TBC1D12: variants seen among roughly 807,000 people sequenced by gnomAD.
TBC1D12 encodes TBC1 domain family, member 12.
TBC1D12 carries 56 observed loss-of-function variants against 86.7 expected under a neutral mutation model. That is an observed-to-expected ratio of 0.65 (90% confidence interval 0.52 to 0.81). The LOEUF is 0.81. Ranked by LOEUF, TBC1D12 falls within the 30% of genes least tolerant of loss-of-function variation. The probability of loss-of-function intolerance (pLI) is 0.00; values close to 1 mark genes in which losing one functional copy is unlikely to be tolerated. For synonymous variants in TBC1D12, 421 were observed against 411.7 expected (o/e 1.02, Z -0.27); for missense variants, 1,023 against 1,038.8 (o/e 0.98, Z 0.21).
At chr10:94,496,256 T>C (rs957971281) in intron 4 of TBC1D12, among the ~76,000 whole-genome samples, 1 of 152,108 alleles carries the variant, frequency 6.6e-6, no homozygotes, top group African/African-American at 2.4e-5. Context: ...AAGTTTTGAT[T>C]TATGACTCAC....
At chr10:94,514,545 C>T (rs888687002) in intron 9 of TBC1D12, among the ~76,000 whole-genome samples, 14 of 152,178 alleles carry the variant, frequency 9.2e-5, no homozygotes, top group African/African-American at 2.7e-4. Context: ...TGCCTTATTT[C>T]ACTTAGCATA....
intron 5 of TBC1D12, among the ~76,000 whole-genome samples, 197 bp downstream of exon 5, chr10:94,497,369 C>T (rs2056335328): frequency 6.6e-6 from 1 of 151,876 alleles, no homozygotes; most frequent in Non-Finnish European, 1.5e-5. Context: ...TTTATTATTT[C>T]CAGCATATAT....
chr10:94,441,155 TG>T (rs2055375144), intron 1 of TBC1D12, among the ~76,000 whole-genome samples: 2 of 151,338 alleles, frequency 1.3e-5, no homozygotes, highest in South Asian at 4.2e-4. Context: ...TCCTGGGTTT[TG>T]TTTTTTTTTT....
chr10:94,491,077 G>A (rs2056239252), intron 3 of TBC1D12, among the ~76,000 whole-genome samples: 1 of 152,104 alleles, frequency 6.6e-6, no homozygotes, highest in African/African-American at 2.4e-5. Context: ...TCAGGTACTT[G>A]TAGGGTTACC....
At chr10:94,411,465 G>C (rs1486587984) in intron 1 of TBC1D12, among the ~76,000 whole-genome samples, 1 of 152,196 alleles carries the variant, frequency 6.6e-6, no homozygotes, top group Non-Finnish European at 1.5e-5. Flanking sequence ...GCTCATGCCT[G>C]CAATCCCAGC....
chr10:94,475,895 CT>C (rs199746682), intron 3 of TBC1D12, among the ~76,000 whole-genome samples: 3 of 151,534 alleles, frequency 2.0e-5, no homozygotes, highest in South Asian at 4.2e-4. Context: ...TGGATCAATT[CT>C]TTTTTTTTAC....
At chr10:94,476,586 GCAGCTGT>G (rs1352320163) in intron 3 of TBC1D12, among the ~76,000 whole-genome samples, 1 of 152,152 alleles carries the variant, frequency 6.6e-6, no homozygotes, top group Non-Finnish European at 1.5e-5. Flanking sequence ...TTTAGACTTT[GCAGCTGT>G]CAGCTGAGTA....
At chr10:94,464,851 G>A (rs1266723404) in intron 2 of TBC1D12, among the ~76,000 whole-genome samples, 1 of 152,146 alleles carries the variant, frequency 6.6e-6, no homozygotes, top group Admixed American at 6.5e-5. Context: ...CAAGTAGTGG[G>A]GAGAGTGGCA....
At position 94,480,991 on chromosome 10, in the gene TBC1D12, A is replaced by G. The variant is rs577046485; in HGVS notation, c.1211+6208A>G. Among the ~76,000 whole-genome samples, 91 of 151,226 alleles carry G rather than the reference A, an allele frequency of 6.0e-4. 1 individual carries two copies. Among genetic ancestry groups the G allele is most frequent in the Non-Finnish European group, 1.0e-3 (69 of 67,882 alleles). On this transcript the variant is annotated intron_variant, in intron 3 of 12. Coordinates refer to ENST00000225235, the MANE Select transcript of TBC1D12 (RefSeq NM_015188.2). ...TCATCTTTTTGTACATCTCCATCAG[A>G]GCTCTTTGGTAACTAGGTGCATCGT...
chr10:94,516,822 C>G (rs1056865187), intron 9 of TBC1D12, among the ~76,000 whole-genome samples: 2 of 152,112 alleles, frequency 1.3e-5, no homozygotes, highest in African/African-American at 4.8e-5. Context: ...GAATTGTTCA[C>G]TTTCTCAATT....
rs1487793992 is a variant in TBC1D12, at chr10:94,402,759, C to A, written c.146C>A (p.Pro49Gln). Residue 49 changes from proline to glutamine, a missense_variant, in exon 1 of 13, where the codon CCG (proline) becomes CAG (glutamine). By Grantham distance (76) the Pro-to-Gln change is moderately conservative. Transcript: ENST00000225235. ...FGGGVGAVEP[P>Q]EEADEEEEAD... is the part of the protein sequence containing the mutation. ...GGAGGCGTCGGCGCTGTGGAGCCGCCGGAGGAGGCTGACGAGGAGGAGGAG... is the reference window on the plus strand; with the variant it reads ...GGAGGCGTCGGCGCTGTGGAGCCGCAGGAGGAGGCTGACGAGGAGGAGGAG... The A allele has an allele frequency of 6.5e-7, 1 of 1,550,374 alleles. No homozygotes were observed. Among genetic ancestry groups the A allele is most frequent in the African/African-American group, 1.4e-5 (1 of 73,160 alleles).
chr10:94,404,931 C>T (rs998682993), intron 1 of TBC1D12, among the ~76,000 whole-genome samples: 3 of 151,766 alleles, frequency 2.0e-5, no homozygotes, highest in Non-Finnish European at 4.4e-5. Flanking sequence ...GACTTAATCC[C>T]AGCTACTTGG....
intron 12 of TBC1D12, among the ~76,000 whole-genome samples, chr10:94,531,784 TTTATG>T (rs1270393137): frequency 6.9e-6 from 1 of 144,982 alleles, no homozygotes; most frequent in African/African-American, 2.6e-5. Context: ...GTTATTTTAT[TTTATG>T]TTATTTTATT....
intron 9 of TBC1D12, among the ~76,000 whole-genome samples, chr10:94,518,592 A>G (rs1842062995): frequency 6.6e-6 from 1 of 152,194 alleles, no homozygotes; most frequent in African/African-American, 2.4e-5. Context: ...CAGTTTTGTC[A>G]GCAATACTAC....
At chr10:94,464,654 G>T (rs2055780184) in intron 2 of TBC1D12, among the ~76,000 whole-genome samples, 1 of 152,040 alleles carries the variant, frequency 6.6e-6, no homozygotes, top group South Asian at 2.1e-4. Flanking sequence ...TTTTTATAGA[G>T]ACGGGGTCCC....
chr10:94,532,115 T>C (rs1842449863), intron 12 of TBC1D12, among the ~76,000 whole-genome samples: 1 of 151,924 alleles, frequency 6.6e-6, no homozygotes. Context: ...CTCCTGACCT[T>C]GTGATCCACT....
chr10:94,466,415 C>CATATATATATGTATATATGT (rs1554941503), intron 2 of TBC1D12, among the ~76,000 whole-genome samples: 36 of 151,812 alleles, frequency 2.4e-4, no homozygotes, highest in South Asian at 2.1e-4. Flanking sequence ...CTATTGACAA[C>CATATATATATGTATATATGT]ATATATATAT....
chr10:94,526,972 C>T (rs1202406984), intron 11 of TBC1D12, among the ~76,000 whole-genome samples: 2 of 152,042 alleles, frequency 1.3e-5, no homozygotes, highest in African/African-American at 4.8e-5. Context: ...TTTGCATTTC[C>T]CTGATGCTTA....
At chr10:94,432,114 A>G (rs1359452752) in intron 1 of TBC1D12, among the ~76,000 whole-genome samples, 1 of 151,702 alleles carries the variant, frequency 6.6e-6, no homozygotes, top group East Asian at 1.9e-4. Flanking sequence ...GGGGGGTGGG[A>G]GAAAGGGAAG....
Sources: allele counts gnomAD v4.1 joint callset (sites outside exome capture counted in the v4.1 genomes callset), GRCh38; gene constraint gnomAD v4.1.1; transcripts MANE v1.5; gene names NCBI Gene and HGNC (gene_info 2026-07-23, HGNC 2026-07-21).